The following FRYL variants were observed in gnomAD, a reference collection of about 807,000 sequenced individuals.
The protein encoded by FRYL is FRY like transcription coactivator.
FRYL carries 150 observed loss-of-function variants against 351.2 expected under a neutral mutation model. The observed-to-expected ratio is 0.43, with a 90% CI of 0.37 to 0.49. FRYL has a LOEUF of 0.49. Ranked by LOEUF, FRYL falls within the 20% of genes least tolerant of loss-of-function variation. The pLI, the probability that FRYL is intolerant of heterozygous loss-of-function variation, is 0.00. For synonymous variants in FRYL, 1,153 were observed against 1,257.1 expected, an observed-to-expected ratio of 0.92 and a Z score of 1.75; for missense variants, 3,036 against 3,619.3, an observed-to-expected ratio of 0.84 and a Z score of 4.13.
chr4:48,638,276 A>C (rs1423587409), intron 3 of FRYL: 2 of 152,198 alleles, frequency 1.3e-5, no homozygotes, highest in African/African-American at 4.8e-5. Context: ...TTAGTATTAC[A>C]ATAATTATTA....
intron 60 of FRYL, among the ~76,000 whole-genome samples, chr4:48,503,192 A>C (rs1356233784): frequency 2.0e-5 from 3 of 152,106 alleles, no homozygotes; most frequent in African/African-American, 7.2e-5. Flanking sequence ...AACTGTAATA[A>C]AACTTCCATT....
chr4:48,711,582 C>T (rs1768047317), intron 1 of FRYL, among the ~76,000 whole-genome samples: 1 of 152,242 alleles, frequency 6.6e-6, no homozygotes, highest in African/African-American at 2.4e-5. Context: ...TGGGTGGAGC[C>T]CACCACAGCT....
chr4:48,508,554 T>A (rs571114424), intron 59 of FRYL, among the ~76,000 whole-genome samples: 1 of 152,214 alleles, frequency 6.6e-6, no homozygotes, highest in Non-Finnish European at 1.5e-5. Flanking sequence ...TAAAACTTAA[T>A]GGCTTCAAAC....
intron 54 of FRYL, 147 bp from the exon 55 acceptor site, chr4:48,521,362 C>G: frequency 3.3e-6 from 2 of 612,298 alleles, no homozygotes; most frequent in Non-Finnish European, 5.5e-6. Context: ...CAGTCTACAC[C>G]AGAATGGGTG....
intron 3 of FRYL, among the ~76,000 whole-genome samples, chr4:48,649,839 A>C (rs1380327866): frequency 6.6e-6 from 1 of 152,208 alleles, no homozygotes; most frequent in Non-Finnish European, 1.5e-5. Context: ...GACTAATATA[A>C]AAAGTAGCAT....
At chr4:48,638,446 G>A (rs1208900774) in intron 3 of FRYL, 1 of 152,134 alleles carries the variant, frequency 6.6e-6, no homozygotes, top group Non-Finnish European at 1.5e-5. Context: ...TCATTAAAAA[G>A]TCAGGAAACA....
At chr4:48,502,391 A>T (rs1719897051) in intron 61 of FRYL, among the ~76,000 whole-genome samples, 1 of 151,930 alleles carries the variant, frequency 6.6e-6, no homozygotes, top group Admixed American at 6.6e-5. Context: ...AAATACAAAA[A>T]ATAATTAGCT....
chr4:48,751,042 C>T (rs759342366), intron 1 of FRYL, among the ~76,000 whole-genome samples: 2 of 152,084 alleles, frequency 1.3e-5, no homozygotes, highest in Admixed American at 6.6e-5. Context: ...CATACAAGCA[C>T]TAAATGCCTA....
rs57457069 is a variant in FRYL at position 48,525,163 on chromosome 4, GTATA to G, written c.7318-2063_7318-2060del. 2.3e-3 allele frequency among the ~76,000 whole-genome samples: 328 copies of G among 139,876 alleles called. 2 individuals are homozygous for G. Among genetic ancestry groups the G allele is most frequent in the South Asian group, 6.2e-3 (27 of 4,340 alleles). The allele number at this position is 139,876 out of a possible 152,430, so 91.8% of individuals were successfully genotyped here. ...ATTCTTGCAACTTTTATTTTTAAAGGTATATATATATATATATATATATATATAT... is the reference window on the plus strand; with the variant it reads ...ATTCTTGCAACTTTTATTTTTAAAGGTATATATATATATATATATATATAT... On this transcript the variant is annotated intron_variant, in intron 53 of 63. Coordinates refer to ENST00000358350, the MANE Select transcript of FRYL (RefSeq NM_015030.2).
chr4:48,559,887 T>C (rs1011715270), intron 33 of FRYL, among the ~76,000 whole-genome samples: 9 of 152,108 alleles, frequency 5.9e-5, no homozygotes, highest in Admixed American at 3.3e-4. Flanking sequence ...CACCAATTGC[T>C]GTGGAAAGTA....
chr4:48,593,112 T>C (rs758968005), intron 16 of FRYL, among the ~76,000 whole-genome samples: 1 of 152,186 alleles, frequency 6.6e-6, no homozygotes, highest in South Asian at 2.1e-4. Flanking sequence ...ACTTTTTTAA[T>C]GTTGATTTTT....
chr4:48,535,742 C>T lies in FRYL; in HGVS notation c.6479G>A (p.Cys2160Tyr), dbSNP rs1400504990. The T allele has an allele frequency of 1.2e-6, 2 of 1,610,850 alleles. No individual in the cohort carries two copies. The highest frequency in any genetic ancestry group is 1.7e-6 in the Non-Finnish European group (2 of 1,178,208). The change falls in exon 48 of 64, where the codon TGT becomes TAT. Residue 2160 changes from cysteine (C) to tyrosine (Y), a missense_variant. This residue lies in a region of FRYL where 1,987 missense variants were observed against 2,311.7 expected (regional missense o/e 0.86). Coordinates refer to ENST00000358350, the MANE Select transcript of FRYL (RefSeq NM_015030.2). ...LYSTHTYSRD[C>Y]SNWINVVCRY... ...GCACACGACATTGATCCAGTTAGAA[C>T]AGTCTCTGGAATACGTGTGTGTACT...
At chr4:48,763,106 T>TAAAAAA (rs10683757) in intron 1 of FRYL, among the ~76,000 whole-genome samples, 5 of 91,512 alleles carry the variant, frequency 5.5e-5, no homozygotes, top group African/African-American at 8.2e-5. Context: ...TACAGATCTG[T>TAAAAAA]AAAAAAAAAA....
intron 2 of FRYL, among the ~76,000 whole-genome samples, chr4:48,694,696 A>T (rs1218284194): frequency 6.6e-6 from 1 of 152,246 alleles, no homozygotes; most frequent in Non-Finnish European, 1.5e-5. Flanking sequence ...ACGTAATTAC[A>T]GGAAAAACAA....
At position 48,546,252 on chromosome 4, in the gene FRYL, T is replaced by A; in HGVS notation, c.5094A>T (p.Ile1698=). 1 of 1,613,198 alleles carries A rather than the reference T, an allele frequency of 6.2e-7. No individual in the cohort carries two copies. Among genetic ancestry groups the A allele is most frequent in the Non-Finnish European group, 8.5e-7 (1 of 1,179,384 alleles). The change falls in exon 42 of 64, where the codon ATA becomes ATT. Residue 1698 remains isoleucine, a synonymous_variant. Coordinates refer to ENST00000358350, the MANE Select transcript of FRYL (RefSeq NM_015030.2). ...YNFTAGINDF[I]PDYQPSPMTD... Reference sequence around the variant, plus strand: ...TCATAGGGGAGGGCTGGTAATCAGGTATAAAATCGTTAATGCCTGCTGAAA... The same window carrying A: ...TCATAGGGGAGGGCTGGTAATCAGGAATAAAATCGTTAATGCCTGCTGAAA...
rs1388733268 is a variant in FRYL at position 48,549,461 on chromosome 4, G to A, written c.4784+12C>T. On this transcript the variant is annotated intron_variant, in intron 39 of 63. Transcript: ENST00000358350. The surrounding 1 kb of genome is among the most constrained non-coding windows in gnomAD (Gnocchi z 4.2). ...TTGGTGCATATGTAAAAGGAATGAC[G>A]CTGTAGTCCACCTGTGAAGAGGTAA... 6.2e-6 allele frequency: 10 copies of A among 1,601,816 alleles called. 1 individual carries two copies. In the South Asian group the frequency reaches 7.8e-5, roughly 13 times the overall value.
intron 1 of FRYL, chr4:48,727,298 G>A (rs549756118): frequency 9.9e-5 from 15 of 152,100 alleles, no homozygotes; most frequent in Middle Eastern, 3.4e-3. Context: ...AGTAAAAAGC[G>A]AACAAATTGA....
chr4:48,734,347 T>C (rs1771055717), intron 1 of FRYL, among the ~76,000 whole-genome samples: 1 of 152,094 alleles, frequency 6.6e-6, no homozygotes, highest in Non-Finnish European at 1.5e-5. Context: ...TGGCCAATTA[T>C]CCAAAAAGAC....
intron 1 of FRYL, among the ~76,000 whole-genome samples, chr4:48,757,085 C>T (rs543630265): frequency 4.8e-4 from 73 of 152,142 alleles, no homozygotes; most frequent in African/African-American, 1.7e-3. Context: ...TGTGCATATT[C>T]CAAGGTAGTG....
Sources: gnomAD v4.1 joint callset for allele counts (sites outside exome capture counted in the v4.1 genomes callset) on GRCh38, gnomAD v4.1.1 for gene constraint, gnomAD v4.1.1 regional missense constraint, Gnocchi (gnomAD v3.1) non-coding constraint, MANE v1.5 for transcripts, NCBI Gene and HGNC (gene_info 2026-07-23, HGNC 2026-07-21) for gene names.